Variants in PRKAR2B observed in about 807,000 individuals in gnomAD.
PRKAR2B encodes the protein protein kinase cAMP-dependent type II regulatory subunit beta.
Under a neutral mutation model 49.9 loss-of-function variants are expected in PRKAR2B, and 14 were observed. The observed-to-expected ratio is 0.28, with a 90% CI of 0.19 to 0.44. The LOEUF (loss-of-function observed/expected upper bound fraction) is 0.44, where lower values mean the gene tolerates loss of function less well. Among genes scored for constraint, PRKAR2B ranks in the 20% least tolerant of loss-of-function variants. PRKAR2B has a pLI of 1.00. For synonymous variants in PRKAR2B, 196 were observed against 197.7 expected, an observed-to-expected ratio of 0.99 and a Z score of 0.07; for missense variants, 393 against 537.9, an observed-to-expected ratio of 0.73 and a Z score of 2.67.
chr7:107,132,281 A>G (rs543732423), intron 4 of PRKAR2B, among the ~76,000 whole-genome samples: 6 of 152,328 alleles, frequency 3.9e-5, no homozygotes, highest in African/African-American at 1.4e-4. Flanking sequence ...TAAGATGTGG[A>G]TGCTTTATCA....
At chr7:107,066,094 A>C (rs910157980) in intron 1 of PRKAR2B, among the ~76,000 whole-genome samples, 6 of 152,194 alleles carry the variant, frequency 3.9e-5, no homozygotes, top group African/African-American at 1.4e-4. Flanking sequence ...TCAGTGTTCC[A>C]CTGCAGTAGT....
At chr7:107,136,077 T>C (rs1351622849) in intron 4 of PRKAR2B, among the ~76,000 whole-genome samples, 2 of 152,112 alleles carry the variant, frequency 1.3e-5, no homozygotes, top group Non-Finnish European at 2.9e-5. Flanking sequence ...GGTAACACAA[T>C]GAAGTAAAGA....
chr7:107,122,735 G>A (rs1027089551), intron 3 of PRKAR2B, among the ~76,000 whole-genome samples: 2 of 152,128 alleles, frequency 1.3e-5, no homozygotes, highest in Admixed American at 6.6e-5. Context: ...GTAAGATTGA[G>A]GTTTCATGTG....
At chr7:107,141,565 A>G (rs1428776951) in intron 5 of PRKAR2B, among the ~76,000 whole-genome samples, 1 of 151,996 alleles carries the variant, frequency 6.6e-6, no homozygotes, top group Non-Finnish European at 1.5e-5. Context: ...GGTGGTGCAC[A>G]CCTGTAATCC....
chr7:107,059,042 T>C (rs754638144), intron 1 of PRKAR2B, among the ~76,000 whole-genome samples: 4 of 152,104 alleles, frequency 2.6e-5, no homozygotes, highest in Non-Finnish European at 5.9e-5. Flanking sequence ...TCCCAGCCCT[T>C]TGGGGGAGAC....
intron 1 of PRKAR2B, among the ~76,000 whole-genome samples, chr7:107,058,584 A>G (rs981968389): frequency 6.6e-6 from 1 of 152,068 alleles, no homozygotes; most frequent in African/African-American, 2.4e-5. Context: ...TGATTTTTTT[A>G]TTTGACTGTT....
chr7:107,106,500 G>C, intron 2 of PRKAR2B, among the ~76,000 whole-genome samples: 1 of 152,096 alleles, frequency 6.6e-6, no homozygotes, highest in East Asian at 1.9e-4. Context: ...AAACTTCTCT[G>C]GATCCTCCAA....
intron 10 of PRKAR2B, 63 bp downstream of exon 10, chr7:107,157,387 C>T: frequency 6.6e-7 from 1 of 1,523,918 alleles, no homozygotes; most frequent in Non-Finnish European, 8.9e-7. Flanking sequence ...TTTATGTATT[C>T]ATGTTGAGTG....
intron 2 of PRKAR2B, among the ~76,000 whole-genome samples, chr7:107,099,929 C>T (rs912123615): frequency 8.5e-5 from 13 of 152,106 alleles, no homozygotes; most frequent in East Asian, 3.9e-4. Flanking sequence ...CCACCGTGCC[C>T]GGCCAGTCCT....
chr7:107,048,568 G>A (rs1793743605), intron 1 of PRKAR2B, among the ~76,000 whole-genome samples: 2 of 152,196 alleles, frequency 1.3e-5, no homozygotes, highest in African/African-American at 4.8e-5. Context: ...TAGGGATCAA[G>A]CATGTGACCT....
In PRKAR2B at chr7:107,157,236, G is replaced by C; in HGVS notation, c.1035G>C (p.Ser345=). The C allele has an allele frequency of 6.2e-7, 1 of 1,614,214 alleles. No individual in the cohort carries two copies. Among genetic ancestry groups the C allele is most frequent in the Non-Finnish European group, 8.5e-7 (1 of 1,180,042 alleles). ...GTGCAGTAGAAATCGCTCGATGCTC[G>C]CGGGGACAGTACTTTGGAGAGCTTG... ...ENGAVEIARC[S]RGQYFGELAL... The change falls in exon 10 of 11, where the codon TCG becomes TCC. Residue 345 remains serine (S), a synonymous_variant. Coordinates refer to ENST00000265717, the MANE Select transcript of PRKAR2B (RefSeq NM_002736.3).
chr7:107,157,807 C>G (rs552355998), intron 10 of PRKAR2B, among the ~76,000 whole-genome samples: 2 of 152,132 alleles, frequency 1.3e-5, no homozygotes, highest in Non-Finnish European at 2.9e-5. Context: ...TACTATTTTA[C>G]CAGAGTAGCT....
At chr7:107,053,525 A>AGTGT (rs56855022) in intron 1 of PRKAR2B, among the ~76,000 whole-genome samples, 4,786 of 141,928 alleles carry the variant, frequency 0.034, 86 homozygotes, top group East Asian at 0.047. Flanking sequence ...GATTATAAAG[A>AGTGT]GTGTGTGTGT....
At position 107,147,168 on chromosome 7, in the gene PRKAR2B, G is replaced by A. The variant is rs117729889; in HGVS notation, c.741+707G>A. On this transcript the variant is annotated intron_variant, in intron 6 of 10. Transcript: ENST00000265717. The stretch of plus-strand genomic sequence containing the variant: ...CTACTAAAAATACAAAAAATTAGCC[G>A]GGCACGGTCGTGGGTGCCTGTAGTC... Among the ~76,000 whole-genome samples, 356 of 152,166 alleles carry A rather than the reference G, an allele frequency of 2.3e-3. 1 individual carries two copies. The highest frequency in any genetic ancestry group is 3.9e-3 in the Non-Finnish European group (266 of 68,010).
chr7:107,111,312 G>T (rs1193329013), intron 2 of PRKAR2B, among the ~76,000 whole-genome samples: 2 of 152,212 alleles, frequency 1.3e-5, no homozygotes, highest in Non-Finnish European at 2.9e-5. Context: ...CTCTGGATCT[G>T]CCTGGGGCTT....
intron 2 of PRKAR2B, among the ~76,000 whole-genome samples, chr7:107,098,262 TCTTCAGTCA>T (rs1298510379): frequency 7.9e-5 from 12 of 152,246 alleles, no homozygotes; most frequent in Non-Finnish European, 1.5e-5. Context: ...ATTCATTTGA[TCTTCAGTCA>T]CTGATACCCT....
chr7:107,091,006 G>C (rs533342905), intron 2 of PRKAR2B, among the ~76,000 whole-genome samples: 1 of 152,320 alleles, frequency 6.6e-6, no homozygotes, highest in Admixed American at 6.5e-5. Context: ...AAAGGTCACT[G>C]TCATCTTTCA....
intron 2 of PRKAR2B, chr7:107,077,201 T>G (rs1362349460): frequency 6.6e-6 from 1 of 152,230 alleles, no homozygotes; most frequent in Non-Finnish European, 1.5e-5. Flanking sequence ...TACTTGGGAA[T>G]ACATATTGGG....
intron 1 of PRKAR2B, among the ~76,000 whole-genome samples, chr7:107,063,877 C>G (rs78070386): frequency 0.029 from 4,433 of 152,174 alleles, 225 homozygotes; most frequent in African/African-American, 0.1. Context: ...CCAGCTTTTC[C>G]GGTGTTCTTA....
Sources: gnomAD v4.1 joint callset for allele counts (sites outside exome capture counted in the v4.1 genomes callset) on GRCh38, gnomAD v4.1.1 for gene constraint, MANE v1.5 for transcripts, NCBI Gene and HGNC (gene_info 2026-07-23, HGNC 2026-07-21) for gene names.